The following SATL1 variants were observed in gnomAD, a reference collection of about 807,000 sequenced individuals.
SATL1 encodes the protein spermidine/spermine N(1)-acetyltransferase-like protein 1.
SATL1 carries 47 observed loss-of-function variants against 51.8 expected under a neutral mutation model. The ratio of observed to expected loss-of-function variants is 0.91; its 90% CI spans 0.72 to 1.16. The LOEUF (loss-of-function observed/expected upper bound fraction) is 1.16. SATL1 is among the 50% of genes most tolerant of loss of function. The pLI, the probability that SATL1 is intolerant of heterozygous loss-of-function variation, is 0.00. For missense variants in SATL1, 520 were observed against 526.4 expected, an observed-to-expected ratio of 0.99 and a Z score of 0.12; for synonymous variants, 176 against 182.4, an observed-to-expected ratio of 0.97 and a Z score of 0.28.
At chrX:85,173,564 A>T (rs1927019915) in intron 2 of SATL1, among the ~76,000 whole-genome samples, 1 of 110,086 alleles carries the variant, frequency 9.1e-6, no homozygotes, top group Non-Finnish European at 1.9e-5. Context: ...TAATATTGAC[A>T]GATTTTCAAA....
intron 2 of SATL1, among the ~76,000 whole-genome samples, chrX:85,151,449 C>T (rs141176407): frequency 7.2e-5 from 8 of 110,929 alleles, no homozygotes; most frequent in South Asian, 3.8e-4. Flanking sequence ...CTTTCTTCAC[C>T]GAATTCAAAA....
intron 2 of SATL1, among the ~76,000 whole-genome samples, chrX:85,213,470 A>G (rs934537928): frequency 1.8e-5 from 2 of 112,243 alleles, no homozygotes; most frequent in African/African-American, 6.5e-5. Flanking sequence ...AATTTTCTTG[A>G]TAAGTGCAAT....
Position 85,172,404 on chromosome X carries a change from T to C in SATL1, c.-313+51801A>G, listed in dbSNP as rs180854133. On this transcript the variant is annotated intron_variant, in intron 2 of 7. Transcript: ENST00000644105. The stretch of plus-strand genomic sequence containing the variant: ...TCTAGTCTAGTAAAAAAGATGATTA[T>C]ACATGAAATATTCATACAAATAAAT... 3.6e-5 allele frequency among the ~76,000 whole-genome samples: 4 copies of C among 111,589 alleles called. No individual in the cohort carries two copies. In the East Asian group the frequency reaches 8.4e-4, roughly 24 times the overall value.
intron 6 of SATL1, 136 bp from the exon 7 acceptor site, chrX:85,093,361 G>A (rs1428400278): frequency 1.2e-5 from 7 of 574,364 alleles, no homozygotes; most frequent in South Asian, 3.8e-5. Context: ...AACACAACTC[G>A]TGAATGCTTT....
intron 2 of SATL1, among the ~76,000 whole-genome samples, chrX:85,200,573 C>A (rs982701555): frequency 1.8e-5 from 2 of 111,135 alleles, no homozygotes; most frequent in Admixed American, 1.9e-4. Context: ...CCAAGGAGAG[C>A]ACATGGATAT....
chrX:85,108,906 C>T lies in SATL1; in HGVS notation c.63G>A (p.Gln21=), dbSNP rs1213406824. The change falls in exon 3 of 8, where the codon CAG becomes CAA. Residue 21 remains glutamine, a synonymous_variant. Transcript: ENST00000644105. ...LSDSNQAGIN[Q]PSTNSLGMNQ... is the part of the protein sequence containing the mutation. ...TCATACCAAGTGAGTTTGTGCTTGGCTGGTTTATGCCTGCTTGGTTCGAGT... is the reference window on the plus strand; with the variant it reads ...TCATACCAAGTGAGTTTGTGCTTGGTTGGTTTATGCCTGCTTGGTTCGAGT... 3 of 1,210,936 alleles carry T rather than the reference C, an allele frequency of 2.5e-6. No homozygotes were observed. The highest frequency in any genetic ancestry group is 4.4e-5 in the Admixed American group (2 of 45,931).
At chrX:85,211,819 C>T (rs1182973563) in intron 2 of SATL1, 1 of 111,459 alleles carries the variant, frequency 9.0e-6, no homozygotes, top group Non-Finnish European at 1.9e-5. Flanking sequence ...GCTATGTGGT[C>T]AATATAATAT....
intron 2 of SATL1, among the ~76,000 whole-genome samples, chrX:85,197,014 A>G (rs1362740568): frequency 5.4e-5 from 6 of 111,680 alleles, no homozygotes; most frequent in African/African-American, 1.6e-4. Context: ...AAACTTTAAA[A>G]TTTTGTGTTC....
chrX:85,172,104 T>G (rs1034450850), intron 2 of SATL1, among the ~76,000 whole-genome samples: 1 of 111,533 alleles, frequency 9.0e-6, no homozygotes, highest in African/African-American at 3.2e-5. Context: ...ATCTTATATC[T>G]TCTTTCCTTC....
At chrX:85,239,891 AC>A (rs1928552245) in intron 1 of SATL1, among the ~76,000 whole-genome samples, 1 of 111,108 alleles carries the variant, frequency 9.0e-6, no homozygotes, top group Admixed American at 9.6e-5. Context: ...AAAATGTTAA[AC>A]TTTTAGGGGA....
At chrX:85,188,322 T>C (rs1927359266) in intron 2 of SATL1, among the ~76,000 whole-genome samples, 1 of 111,585 alleles carries the variant, frequency 9.0e-6, no homozygotes, top group Non-Finnish European at 1.9e-5. Flanking sequence ...TGAGGTGAGA[T>C]GTGCAGACAT....
chrX:85,141,740 G>C (rs1424171847), intron 2 of SATL1, among the ~76,000 whole-genome samples: 1 of 109,856 alleles, frequency 9.1e-6, no homozygotes, highest in African/African-American at 3.3e-5. Flanking sequence ...TCTGAATCAA[G>C]AGATACTCAG....
intron 2 of SATL1, among the ~76,000 whole-genome samples, chrX:85,213,071 A>G (rs1233927410): frequency 8.9e-6 from 1 of 111,736 alleles, no homozygotes; most frequent in African/African-American, 3.2e-5. Flanking sequence ...TATATATAAT[A>G]CTTAATACGT....
intron 1 of SATL1, among the ~76,000 whole-genome samples, chrX:85,240,760 T>C (rs1928574566): frequency 9.2e-6 from 1 of 109,232 alleles, no homozygotes; most frequent in Non-Finnish European, 1.9e-5. Flanking sequence ...AAAGTTACTA[T>C]TATTGTTTGA....
At chrX:85,145,754 G>C (rs902613652) in intron 2 of SATL1, among the ~76,000 whole-genome samples, 61 of 111,351 alleles carry the variant, frequency 5.5e-4, no homozygotes, top group Admixed American at 2.7e-3. Context: ...AGCTATGACA[G>C]TATGCCATAA....
chrX:85,240,780 G>A (rs890159238), intron 1 of SATL1, among the ~76,000 whole-genome samples: 3 of 101,341 alleles, frequency 3.0e-5, no homozygotes, highest in African/African-American at 1.1e-4. Flanking sequence ...AAGCTCCTAT[G>A]TACTTTTTTT....
intron 2 of SATL1, among the ~76,000 whole-genome samples, chrX:85,149,946 G>A (rs1361502599): frequency 9.0e-6 from 1 of 111,138 alleles, no homozygotes; most frequent in Non-Finnish European, 1.9e-5. Flanking sequence ...CTAGCAGAAG[G>A]CAAGAAATAA....
At chrX:85,220,495 C>T (rs1490486204) in intron 2 of SATL1, among the ~76,000 whole-genome samples, 2 of 107,064 alleles carry the variant, frequency 1.9e-5, no homozygotes, top group African/African-American at 6.8e-5. Context: ...AAAGAGACCC[C>T]TTTCTTCCTC....
intron 2 of SATL1, among the ~76,000 whole-genome samples, chrX:85,183,899 T>C (rs1041478572): frequency 9.0e-6 from 1 of 111,542 alleles, no homozygotes; most frequent in African/African-American, 3.3e-5. Context: ...TCTATCTAAG[T>C]ATATTTTTAA....
Sources: allele counts gnomAD v4.1 joint callset (sites outside exome capture counted in the v4.1 genomes callset), GRCh38; gene constraint gnomAD v4.1.1; transcripts MANE v1.5; gene names NCBI Gene and HGNC (gene_info 2026-07-23, HGNC 2026-07-21).